PIK3AP1: variants seen among roughly 807,000 people sequenced by gnomAD.
PIK3AP1 encodes phosphoinositide 3-kinase adapter protein 1.
PIK3AP1 carries 21 observed loss-of-function variants against 88.1 expected under a neutral mutation model. The observed-to-expected ratio is 0.24, with a 90% CI of 0.17 to 0.34. The LOEUF is 0.34. PIK3AP1 is among the 10% of genes least tolerant of loss of function. PIK3AP1 has a pLI of 1.00. For missense variants in PIK3AP1, 828 were observed against 1,035.7 expected, an observed-to-expected ratio of 0.80 and a Z score of 2.75; for synonymous variants, 398 against 400.0, an observed-to-expected ratio of 1.00 and a Z score of 0.06.
intron 12 of PIK3AP1, among the ~76,000 whole-genome samples, chr10:96,617,067 A>G (rs945765333): frequency 2.0e-5 from 3 of 152,074 alleles, no homozygotes; most frequent in African/African-American, 7.2e-5. Flanking sequence ...CCTGACCTTC[A>G]TGGATGTTGG....
chr10:96,698,362 A>C (rs1480539373), intron 2 of PIK3AP1, among the ~76,000 whole-genome samples: 5 of 152,156 alleles, frequency 3.3e-5, no homozygotes, highest in Non-Finnish European at 7.4e-5. Context: ...AAAGAAAGAA[A>C]AAAATAGGCC....
intron 6 of PIK3AP1, among the ~76,000 whole-genome samples, chr10:96,650,305 G>C (rs1317766804): frequency 6.6e-6 from 1 of 152,166 alleles, no homozygotes; most frequent in Admixed American, 6.5e-5. Flanking sequence ...GGTAACCAGA[G>C]ACTTGGGTCC....
At chr10:96,620,862 G>A in intron 11 of PIK3AP1, 1 of 283,482 alleles carries the variant, frequency 3.5e-6, no homozygotes, top group South Asian at 5.2e-5. Flanking sequence ...TCATTTTTCT[G>A]GTAAGAAAAC....
At position 96,593,787 on chromosome 10, in the gene PIK3AP1, T is replaced by G. The variant is rs1047785305; in HGVS notation, c.*1790A>C. ...CTCGTGATGGACATGGCCAATAGTG[T>G]ATTTTGTCAAAAAACAAAAACAAAA... On this transcript the variant is annotated 3_prime_UTR_variant, in exon 17 of 17. Coordinates refer to ENST00000339364, the MANE Select transcript of PIK3AP1 (RefSeq NM_152309.3). 4 of 152,192 alleles carry G rather than the reference T, an allele frequency of 2.6e-5. No individual in the cohort carries two copies. The highest frequency in any genetic ancestry group is 5.9e-5 in the Non-Finnish European group (4 of 68,040). The allele number at this position is 152,192 out of a possible 1,614,324, so 9.4% of individuals were successfully genotyped here. A position where few individuals can be genotyped will look rare whatever the true frequency, so the allele number is the denominator to read the frequency against.
In PIK3AP1 at chr10:96,603,928, G is replaced by A. The variant is rs369696431; in HGVS notation, c.2241+51C>T. On this transcript the variant is annotated intron_variant, in intron 15 of 16. Coordinates refer to ENST00000339364, the MANE Select transcript of PIK3AP1 (RefSeq NM_152309.3). ...TTTCACCTGGGTTTCTATCTCTTGC[G>A]ATGAAACGACCCCTAGGACAGGATA... 2,306 of 1,458,096 alleles carry A rather than the reference G, an allele frequency of 1.6e-3. 6 individuals are homozygous for A. Among genetic ancestry groups the A allele is most frequent in the Non-Finnish European group, 1.9e-3 (1,991 of 1,073,654 alleles). 90.3% of individuals were successfully genotyped at this position (1,458,096 alleles called of 1,614,324 possible).
intron 8 of PIK3AP1, 120 bp downstream of exon 8, chr10:96,645,353 C>T: frequency 1.0e-6 from 1 of 995,604 alleles, no homozygotes; most frequent in Non-Finnish European, 1.4e-6. Flanking sequence ...AAAACAGGAC[C>T]TTCATCTCTC....
At chr10:96,687,316 T>C (rs1020933629) in intron 2 of PIK3AP1, among the ~76,000 whole-genome samples, 1 of 148,350 alleles carries the variant, frequency 6.7e-6, no homozygotes, top group Non-Finnish European at 1.5e-5. Context: ...CAAGGATGAA[T>C]TGGAGCCTTC....
At chr10:96,696,217 T>C (rs551215024) in intron 2 of PIK3AP1, among the ~76,000 whole-genome samples, 1 of 152,360 alleles carries the variant, frequency 6.6e-6, no homozygotes, top group East Asian at 1.9e-4. Context: ...AGACCAGTAT[T>C]GTTTTTCTAA....
chr10:96,677,015 G>A (rs139500375), intron 2 of PIK3AP1, among the ~76,000 whole-genome samples: 13 of 151,918 alleles, frequency 8.6e-5, no homozygotes, highest in Admixed American at 2.0e-4. Flanking sequence ...AGAACAGGCC[G>A]CCCACTCTTC....
intron 13 of PIK3AP1, among the ~76,000 whole-genome samples, chr10:96,616,027 T>G (rs1305929764): frequency 3.9e-5 from 6 of 152,198 alleles, no homozygotes; most frequent in Non-Finnish European, 8.8e-5. Context: ...AGGCTCTCTG[T>G]GGGAAGATGC....
intron 3 of PIK3AP1, among the ~76,000 whole-genome samples, chr10:96,654,447 C>T (rs778337162): frequency 3.8e-4 from 58 of 152,248 alleles, no homozygotes; most frequent in African/African-American, 1.1e-3. Flanking sequence ...CTTTATGACA[C>T]GTGATGTGGG....
At chr10:96,689,681 C>G (rs75351899) in intron 2 of PIK3AP1, among the ~76,000 whole-genome samples, 7,591 of 152,034 alleles carry the variant, frequency 0.05, 421 homozygotes, top group East Asian at 0.17. Flanking sequence ...ATTGAAAGCC[C>G]TTTCTTATTT....
At chr10:96,705,677 G>C (rs1268463152) in intron 2 of PIK3AP1, among the ~76,000 whole-genome samples, 2 of 149,888 alleles carry the variant, frequency 1.3e-5, no homozygotes, top group Non-Finnish European at 3.0e-5. Flanking sequence ...CAACCTCCAA[G>C]GCTCAGGTGA....
chr10:96,706,087 G>T (rs1447938524), intron 2 of PIK3AP1, among the ~76,000 whole-genome samples: 1 of 151,710 alleles, frequency 6.6e-6, no homozygotes, highest in Admixed American at 6.6e-5. Context: ...TAGAGACAGG[G>T]TTTCACCGTG....
intron 1 of PIK3AP1, among the ~76,000 whole-genome samples, chr10:96,719,916 T>C (rs1564995115): frequency 6.6e-6 from 1 of 152,198 alleles, no homozygotes; most frequent in Admixed American, 6.5e-5. Flanking sequence ...CTTGGGGAAC[T>C]GTCCCAAGGG....
chr10:96,695,351 C>T (rs538423007), intron 2 of PIK3AP1, among the ~76,000 whole-genome samples: 29 of 152,204 alleles, frequency 1.9e-4, no homozygotes, highest in Non-Finnish European at 4.1e-4. Context: ...TTATGATGAA[C>T]GTCCTTCCTA....
intron 2 of PIK3AP1, among the ~76,000 whole-genome samples, chr10:96,674,051 G>A (rs1380057162): frequency 6.6e-5 from 10 of 152,118 alleles, no homozygotes; most frequent in Non-Finnish European, 1.5e-4. Flanking sequence ...GGTCAAGGCT[G>A]GGTGGAGGTG....
chr10:96,627,773 T>C (rs1221238972), intron 9 of PIK3AP1, among the ~76,000 whole-genome samples: 1 of 152,252 alleles, frequency 6.6e-6, no homozygotes, highest in East Asian at 1.9e-4. Context: ...CATTAACTGC[T>C]TGTTATGTGC....
At chr10:96,699,322 T>C (rs1844262945) in intron 2 of PIK3AP1, among the ~76,000 whole-genome samples, 2 of 152,240 alleles carry the variant, frequency 1.3e-5, no homozygotes, top group Admixed American at 6.5e-5. Flanking sequence ...AAATCTGTGT[T>C]ATCTATAAAA....
Sources: allele counts gnomAD v4.1 joint callset (sites outside exome capture counted in the v4.1 genomes callset), GRCh38; gene constraint gnomAD v4.1.1; transcripts MANE v1.5; gene names NCBI Gene and HGNC (gene_info 2026-07-23, HGNC 2026-07-21).